The following RBFOX1 variants were observed in gnomAD, a reference collection of about 807,000 sequenced individuals.
RBFOX1 encodes the protein RNA binding protein fox-1 homolog 1.
Under a neutral mutation model 57.7 loss-of-function variants are expected in RBFOX1, and 8 were observed. The ratio of observed to expected loss-of-function variants is 0.14; its 90% CI spans 0.08 to 0.25. The LOEUF (loss-of-function observed/expected upper bound fraction) is 0.25, where lower values mean the gene tolerates loss of function less well. Among genes scored for constraint, RBFOX1 ranks in the 10% least tolerant of loss-of-function variants. The pLI is 1.00. For synonymous variants in RBFOX1, 326 were observed against 222.4 expected, an observed-to-expected ratio of 1.47 and a Z score of -4.15; for missense variants, 611 against 548.5, an observed-to-expected ratio of 1.11 and a Z score of -1.14.
chr16:6,821,651 T>C (rs2091325451), intron 3 of RBFOX1, among the ~76,000 whole-genome samples: 2 of 152,222 alleles, frequency 1.3e-5, no homozygotes, highest in African/African-American at 4.8e-5. Context: ...CGTGGCCTTT[T>C]TCATCTGACT....
chr16:7,222,507 T>C (rs2092804228), intron 4 of RBFOX1, among the ~76,000 whole-genome samples: 1 of 152,166 alleles, frequency 6.6e-6, no homozygotes, highest in Non-Finnish European at 1.5e-5. Context: ...ACCTAATGCA[T>C]GTTAGCACTC....
chr16:7,144,892 C>T (rs1224784412), intron 4 of RBFOX1, among the ~76,000 whole-genome samples: 1 of 152,220 alleles, frequency 6.6e-6, no homozygotes, highest in South Asian at 2.1e-4. Flanking sequence ...CTGGGGTCTC[C>T]AGCAGCCCAG....
At chr16:6,874,009 A>G (rs1183533210) in intron 3 of RBFOX1, 1 of 152,212 alleles carries the variant, frequency 6.6e-6, no homozygotes, top group Non-Finnish European at 1.5e-5. Context: ...TATTTTTAGT[A>G]AAAGTAGAAA....
intron 3 of RBFOX1, among the ~76,000 whole-genome samples, chr16:6,685,273 CTTTTT>C (rs202226687): frequency 8.3e-4 from 93 of 111,602 alleles, no homozygotes; most frequent in Admixed American, 3.2e-3. Flanking sequence ...GAGAGTTTTT[CTTTTT>C]TTTTTTTTTT....
At chr16:5,997,325 T>G (rs2060508316) in intron 4 of RBFOX1, among the ~76,000 whole-genome samples, 1 of 152,242 alleles carries the variant, frequency 6.6e-6, no homozygotes, top group African/African-American at 2.4e-5. Flanking sequence ...ATGGATTATT[T>G]AATTGTATTC....
intron 3 of RBFOX1, among the ~76,000 whole-genome samples, chr16:6,800,774 T>C (rs1356447383): frequency 6.6e-6 from 1 of 152,162 alleles, no homozygotes; most frequent in Admixed American, 6.5e-5. Context: ...AAGCAGTAGA[T>C]GACAAAGTAG....
chr16:6,059,607 C>T lies in RBFOX1; in HGVS notation c.-127+39615C>T, dbSNP rs78153033. Among the ~76,000 whole-genome samples the T allele has an allele frequency of 9.1e-3, 1,387 of 152,140 alleles. 5 individuals are homozygous for T. Among genetic ancestry groups the T allele is most frequent in the Non-Finnish European group, 0.013 (910 of 68,004 alleles). ...AGGAATGCATGTGTTTAAATGGGTT[C>T]TCTGAGTAAATATATTTTTGACACT... On this transcript the variant is annotated intron_variant, in intron 1 of 15. Coordinates refer to ENST00000550418, the MANE Select transcript of RBFOX1 (RefSeq NM_018723.4).
At chr16:6,848,496 C>G (rs2093887881) in intron 3 of RBFOX1, among the ~76,000 whole-genome samples, 1 of 151,916 alleles carries the variant, frequency 6.6e-6, no homozygotes, top group Non-Finnish European at 1.5e-5. Context: ...GCACTATTTG[C>G]TATTTTCGAC....
At chr16:5,657,611 T>G (rs575529497) in intron 3 of RBFOX1, among the ~76,000 whole-genome samples, 932 of 45,366 alleles carry the variant, frequency 0.021, 6 homozygotes, top group African/African-American at 0.05. Flanking sequence ...TCGCTCGCTT[T>G]CTTTCTTTCT....
At chr16:6,066,162 C>T (rs1213943123) in intron 1 of RBFOX1, among the ~76,000 whole-genome samples, 3 of 151,828 alleles carry the variant, frequency 2.0e-5, no homozygotes, top group African/African-American at 7.3e-5. Context: ...GGTGTGGTGG[C>T]ATGTGCCTGT....
At chr16:7,203,346 A>T (rs1487189694) in intron 4 of RBFOX1, among the ~76,000 whole-genome samples, 1 of 152,218 alleles carries the variant, frequency 6.6e-6, no homozygotes, top group African/African-American at 2.4e-5. Flanking sequence ...AAAAGCAGAG[A>T]GTCAAGGAGA....
At chr16:7,381,453 G>A (rs2097780690) in intron 4 of RBFOX1, among the ~76,000 whole-genome samples, 1 of 151,398 alleles carries the variant, frequency 6.6e-6, no homozygotes, top group Non-Finnish European at 1.5e-5. Context: ...TCAATGATCT[G>A]TTAGTAAAAT....
At chr16:6,345,319 G>GT (rs1250219150) in intron 2 of RBFOX1, among the ~76,000 whole-genome samples, 2 of 152,224 alleles carry the variant, frequency 1.3e-5, no homozygotes, top group Non-Finnish European at 2.9e-5. Context: ...CCTATAGGCA[G>GT]TGTGCCCAGA....
At chr16:7,470,353 C>T (rs1391724409) in intron 4 of RBFOX1, among the ~76,000 whole-genome samples, 1 of 152,148 alleles carries the variant, frequency 6.6e-6, no homozygotes, top group Non-Finnish European at 1.5e-5. Flanking sequence ...ATGTGACATG[C>T]TCAGCAAATA....
chr16:7,169,122 T>A lies in RBFOX1; in HGVS notation c.27+117024T>A, dbSNP rs993378358. Among the ~76,000 whole-genome samples, 5 of 152,176 alleles carry A rather than the reference T, an allele frequency of 3.3e-5. 1 individual carries two copies. The highest frequency in any genetic ancestry group is 1.2e-4 in the African/African-American group (5 of 41,446). ...TCTCAGGGCAGGAAAAATGTGAAGT[T>A]CTCACCTATTAAGAAGGCAACACCA... On this transcript the variant is annotated intron_variant, in intron 4 of 15. Coordinates refer to ENST00000550418, the MANE Select transcript of RBFOX1 (RefSeq NM_018723.4).
intron 3 of RBFOX1, among the ~76,000 whole-genome samples, chr16:6,996,042 C>A (rs2092200611): frequency 6.6e-6 from 1 of 152,208 alleles, no homozygotes; most frequent in South Asian, 2.1e-4. Context: ...GATAACTGGT[C>A]CCCATGTTGA....
chr16:5,789,096 C>A (rs1274624912), intron 3 of RBFOX1, among the ~76,000 whole-genome samples: 2 of 152,176 alleles, frequency 1.3e-5, no homozygotes, highest in African/African-American at 4.8e-5. Flanking sequence ...TCTCCCTCTT[C>A]CTCTCTCTCA....
At chr16:5,770,715 C>T (rs770449581) in intron 3 of RBFOX1, among the ~76,000 whole-genome samples, 16 of 152,138 alleles carry the variant, frequency 1.1e-4, no homozygotes, top group Middle Eastern at 3.4e-3. Context: ...TTTTGGTGCT[C>T]GCCTGCATCA....
At position 7,384,963 on chromosome 16, in the gene RBFOX1, G is replaced by C. The variant is rs111405704; in HGVS notation, c.28-133184G>C. ...AGCTCTAGAAAGGCTCCTATGAAGAGGTAAGTTGACATTTAAGCTGAGCTC... is the reference window on the plus strand; with the variant it reads ...AGCTCTAGAAAGGCTCCTATGAAGACGTAAGTTGACATTTAAGCTGAGCTC... On this transcript the variant is annotated intron_variant, in intron 4 of 15. Coordinates refer to ENST00000550418, the MANE Select transcript of RBFOX1 (RefSeq NM_018723.4). Among the ~76,000 whole-genome samples, 468 of 152,244 alleles carry C rather than the reference G, an allele frequency of 3.1e-3. 1 individual carries two copies. Among genetic ancestry groups the C allele is most frequent in the African/African-American group, 0.011 (452 of 41,534 alleles).
Sources: allele counts gnomAD v4.1 joint callset (sites outside exome capture counted in the v4.1 genomes callset), GRCh38; gene constraint gnomAD v4.1.1; transcripts MANE v1.5; gene names NCBI Gene and HGNC (gene_info 2026-07-23, HGNC 2026-07-21).